The following PLXDC2 variants were observed in gnomAD, a reference collection of about 807,000 sequenced individuals.
PLXDC2 encodes plexin domain-containing protein 2.
Under a neutral mutation model 68.9 loss-of-function variants are expected in PLXDC2, and 40 were observed. The ratio of observed to expected loss-of-function variants is 0.58; its 90% CI spans 0.45 to 0.76. PLXDC2 has a LOEUF of 0.76. Ranked by LOEUF, PLXDC2 falls within the 30% of genes least tolerant of loss-of-function variation. PLXDC2 has a pLI of 0.00. For synonymous variants in PLXDC2, 243 were observed against 234.2 expected (o/e 1.04, Z -0.34); for missense variants, 644 against 661.9 (o/e 0.97, Z 0.30).
intron 1 of PLXDC2, among the ~76,000 whole-genome samples, chr10:19,989,642 A>G (rs1358218368): frequency 6.6e-6 from 1 of 151,988 alleles, no homozygotes; most frequent in Non-Finnish European, 1.5e-5. Context: ...ATGGAATAAT[A>G]TTTTAATTGT....
intron 4 of PLXDC2, among the ~76,000 whole-genome samples, chr10:20,127,141 G>A (rs953256155): frequency 6.6e-6 from 1 of 152,066 alleles, no homozygotes; most frequent in African/African-American, 2.4e-5. Context: ...TTGGTACAAT[G>A]CAGATGGCTG....
At chr10:20,249,945 G>A (rs1423050262) in intron 13 of PLXDC2, among the ~76,000 whole-genome samples, 2 of 152,078 alleles carry the variant, frequency 1.3e-5, no homozygotes, top group Non-Finnish European at 2.9e-5. Flanking sequence ...TAGTTCCTGT[G>A]CTAAACAGCG....
intron 2 of PLXDC2, among the ~76,000 whole-genome samples, chr10:20,046,101 C>G (rs928455670): frequency 4.0e-5 from 6 of 151,832 alleles, no homozygotes; most frequent in Admixed American, 2.0e-4. Context: ...GAAAGCAGGC[C>G]CTGATATAAC....
intron 4 of PLXDC2, among the ~76,000 whole-genome samples, chr10:20,136,967 A>C (rs1041618107): frequency 6.6e-6 from 1 of 152,174 alleles, no homozygotes; most frequent in Non-Finnish European, 1.5e-5. Context: ...CATTTTTACA[A>C]AGTGCTTGTT....
intron 13 of PLXDC2, among the ~76,000 whole-genome samples, chr10:20,269,860 A>C (rs564248557): frequency 1.3e-5 from 2 of 152,126 alleles, no homozygotes; most frequent in East Asian, 3.9e-4. Context: ...TCTATTAAAA[A>C]TACAATAATT....
At chr10:19,851,360 T>C (rs1837114748) in intron 1 of PLXDC2, among the ~76,000 whole-genome samples, 1 of 152,178 alleles carries the variant, frequency 6.6e-6, no homozygotes, top group South Asian at 2.1e-4. Flanking sequence ...AAGCAGTAGT[T>C]ACACTTAACA....
At chr10:19,920,159 T>G (rs1833434698) in intron 1 of PLXDC2, among the ~76,000 whole-genome samples, 1 of 152,130 alleles carries the variant, frequency 6.6e-6, no homozygotes, top group African/African-American at 2.4e-5. Flanking sequence ...GCTGTCATGG[T>G]TGCGTGTGAT....
At chr10:20,002,632 G>T (rs1834962619) in intron 2 of PLXDC2, among the ~76,000 whole-genome samples, 1 of 152,144 alleles carries the variant, frequency 6.6e-6, no homozygotes, top group Admixed American at 6.5e-5. Context: ...AAGTATGCAG[G>T]CTGTAGTGTA....
At chr10:19,883,130 G>GT (rs1178036935) in intron 1 of PLXDC2, among the ~76,000 whole-genome samples, 4 of 151,290 alleles carry the variant, frequency 2.6e-5, no homozygotes, top group Admixed American at 2.6e-4. Flanking sequence ...CTAATTTTTT[G>GT]TTTTTGTATT....
chr10:20,237,992 G>T (rs759530161), intron 12 of PLXDC2, among the ~76,000 whole-genome samples: 3 of 151,704 alleles, frequency 2.0e-5, no homozygotes, highest in Non-Finnish European at 4.4e-5. Flanking sequence ...GATCATTTTG[G>T]CAATGCATTA....
At chr10:19,823,386 A>T (rs1836512474) in intron 1 of PLXDC2, among the ~76,000 whole-genome samples, 1 of 151,996 alleles carries the variant, frequency 6.6e-6, no homozygotes, top group Admixed American at 6.6e-5. Context: ...GGAGGCTGTA[A>T]AAATATTGTC....
At chr10:19,881,610 C>T (rs974851188) in intron 1 of PLXDC2, among the ~76,000 whole-genome samples, 11 of 152,080 alleles carry the variant, frequency 7.2e-5, no homozygotes, top group Non-Finnish European at 1.3e-4. Context: ...GAATTTTTAA[C>T]GGAAAGTTCC....
chr10:19,821,331 G>C (rs564741668), intron 1 of PLXDC2, among the ~76,000 whole-genome samples: 1 of 152,054 alleles, frequency 6.6e-6, no homozygotes, highest in African/African-American at 2.4e-5. Flanking sequence ...CTCTAAGTGC[G>C]TCTCCATCCA....
chr10:19,851,517 C>A (rs113900875), intron 1 of PLXDC2, among the ~76,000 whole-genome samples: 8,612 of 152,138 alleles, frequency 0.057, 821 homozygotes, highest in African/African-American at 0.19. Context: ...GTAACCCACA[C>A]TTTCCTTCAG....
chr10:19,916,126 G>GTTTTTTTTTTTTTTTTTTTTT (rs200823056), intron 1 of PLXDC2, among the ~76,000 whole-genome samples: 1 of 125,706 alleles, frequency 8.0e-6, no homozygotes. Context: ...AGGGAGTTGT[G>GTTTTTTTTTTTTTTTTTTTTT]TTTTGTTTTG....
chr10:20,279,583 G>C lies in PLXDC2; in HGVS notation c.1474-120G>C, dbSNP rs80141144. On this transcript the variant is annotated intron_variant, in intron 13 of 13. Coordinates refer to ENST00000377252, the MANE Select transcript of PLXDC2 (RefSeq NM_032812.9). ...TTAATTCTGACTGTAGCTATAATAA[G>C]AGATAATTTAATGTGTTAATTAATT... 5,689 of 754,346 alleles carry C rather than the reference G, an allele frequency of 7.5e-3. 121 individuals are homozygous for C. The highest frequency in any genetic ancestry group is 0.054 in the East Asian group (2,076 of 38,450). 46.7% of individuals were successfully genotyped at this position (754,346 alleles called of 1,614,324 possible). A position where few individuals can be genotyped will look rare whatever the true frequency, so the allele number is the denominator to read the frequency against.
At chr10:19,851,872 G>A (rs1370918818) in intron 1 of PLXDC2, among the ~76,000 whole-genome samples, 1 of 152,148 alleles carries the variant, frequency 6.6e-6, no homozygotes, top group African/African-American at 2.4e-5. Flanking sequence ...CTTTGAAGAA[G>A]CCAAGGTAGT....
intron 3 of PLXDC2, among the ~76,000 whole-genome samples, chr10:20,062,624 G>T (rs550922116): frequency 5.1e-4 from 77 of 152,138 alleles, no homozygotes; most frequent in African/African-American, 1.7e-3. Flanking sequence ...ATTAAAAGAA[G>T]ATGATAAAAT....
chr10:19,939,683 T>C (rs556206398), intron 1 of PLXDC2, among the ~76,000 whole-genome samples: 13 of 152,314 alleles, frequency 8.5e-5, no homozygotes, highest in Middle Eastern at 3.4e-3. Context: ...ATGATGTATT[T>C]GTACCTATCC....
Sources: gnomAD v4.1 joint callset for allele counts (sites outside exome capture counted in the v4.1 genomes callset) on GRCh38, gnomAD v4.1.1 for gene constraint, MANE v1.5 for transcripts, NCBI Gene and HGNC (gene_info 2026-07-23, HGNC 2026-07-21) for gene names.